Variants in TXNL4A observed in about 807,000 individuals in gnomAD.
TXNL4A encodes thioredoxin-like protein 4A.
TXNL4A carries 17 observed loss-of-function variants against 14.6 expected under a neutral mutation model. That is an observed-to-expected ratio of 1.16 (90% CI 0.80 to 1.74). TXNL4A has a LOEUF of 1.74. Ranked by LOEUF, TXNL4A falls within the 40% of genes most tolerant of loss-of-function variation. The pLI is 0.00. For synonymous variants in TXNL4A, 83 were observed against 70.6 expected, an observed-to-expected ratio of 1.18 and a Z score of -0.88; for missense variants, 74 against 195.2, an observed-to-expected ratio of 0.38 and a Z score of 3.70.
intron 1 of TXNL4A, among the ~76,000 whole-genome samples, chr18:80,009,070 C>A (rs2051752174): frequency 6.6e-6 from 1 of 152,220 alleles, no homozygotes. Flanking sequence ...AGCCACTGCG[C>A]CCGGCCTACT....
intron 1 of TXNL4A, among the ~76,000 whole-genome samples, chr18:80,018,499 A>C (rs1420035708): frequency 2.0e-5 from 3 of 152,212 alleles, no homozygotes; most frequent in Admixed American, 6.5e-5. Flanking sequence ...GCAGAACTGA[A>C]GGAAATAGAG....
intron 1 of TXNL4A, among the ~76,000 whole-genome samples, chr18:80,005,376 G>A (rs1158468982): frequency 6.6e-6 from 1 of 152,204 alleles, no homozygotes; most frequent in African/African-American, 2.4e-5. Context: ...GAGGTTAAGA[G>A]TGTTTCAATT....
intron 1 of TXNL4A, among the ~76,000 whole-genome samples, chr18:80,006,173 C>A (rs895924186): frequency 6.6e-6 from 1 of 152,120 alleles, no homozygotes; most frequent in South Asian, 2.1e-4. Context: ...ATCACGAGGT[C>A]AGGAGTTCGA....
chr18:79,978,061 C>T (rs1174844866), intron 1 of TXNL4A: 2 of 180,508 alleles, frequency 1.1e-5, no homozygotes, highest in Admixed American at 6.0e-5. Flanking sequence ...ACCTTGGCCA[C>T]CGGCTCCTTC....
chr18:79,974,280 G>T (rs779032842), intron 2 of TXNL4A, among the ~76,000 whole-genome samples: 5 of 152,236 alleles, frequency 3.3e-5, no homozygotes, highest in African/African-American at 4.8e-5. Flanking sequence ...AAAGCAATGT[G>T]TAAGTTTTTC....
intron 1 of TXNL4A, among the ~76,000 whole-genome samples, chr18:80,029,993 C>T (rs1374030577): frequency 6.6e-6 from 1 of 152,166 alleles, no homozygotes; most frequent in African/African-American, 2.4e-5. Flanking sequence ...ATAAAGAATT[C>T]CCTTCAACCC....
intron 1 of TXNL4A, among the ~76,000 whole-genome samples, chr18:80,017,803 C>A (rs1052147945): frequency 3.3e-5 from 5 of 152,072 alleles, no homozygotes; most frequent in Admixed American, 6.6e-5. Context: ...ATGTTCATCA[C>A]GGATATTGGT....
intron 1 of TXNL4A, among the ~76,000 whole-genome samples, chr18:80,015,761 T>C (rs1411827341): frequency 1.3e-5 from 2 of 150,790 alleles, no homozygotes; most frequent in Admixed American, 6.6e-5. Context: ...CAGTCTGTCA[T>C]TGTTGGATAT....
intron 1 of TXNL4A, among the ~76,000 whole-genome samples, chr18:80,009,710 G>C (rs538910820): frequency 1.9e-3 from 282 of 152,342 alleles, no homozygotes; most frequent in African/African-American, 6.6e-3. Flanking sequence ...CTTGAGAGAT[G>C]AGTGTCCCAC....
intron 1 of TXNL4A, among the ~76,000 whole-genome samples, chr18:79,986,121 T>G (rs1272885549): frequency 3.3e-5 from 5 of 151,686 alleles, no homozygotes; most frequent in Non-Finnish European, 2.9e-5. Flanking sequence ...CTCACTGCAG[T>G]CTTGACTTCC....
At chr18:80,029,537 C>T (rs768502751) in intron 1 of TXNL4A, among the ~76,000 whole-genome samples, 4 of 152,204 alleles carry the variant, frequency 2.6e-5, no homozygotes, top group African/African-American at 4.8e-5. Flanking sequence ...CCCAGGTGAA[C>T]GTCACAGCGA....
intron 2 of TXNL4A, among the ~76,000 whole-genome samples, chr18:79,975,623 G>C (rs2145053171): frequency 6.6e-6 from 1 of 152,292 alleles, no homozygotes; most frequent in Middle Eastern, 3.4e-3. Context: ...CCTCGAACAG[G>C]CTGTTAACAG....
intron 1 of TXNL4A, among the ~76,000 whole-genome samples, chr18:80,026,487 CA>C: frequency 6.6e-6 from 1 of 151,626 alleles, no homozygotes; most frequent in Middle Eastern, 3.4e-3. Context: ...TCTACCCTGA[CA>C]AAAAAAACTG....
intron 1 of TXNL4A, among the ~76,000 whole-genome samples, chr18:80,018,974 G>A (rs769699994): frequency 1.3e-5 from 2 of 152,150 alleles, no homozygotes; most frequent in Non-Finnish European, 2.9e-5. Flanking sequence ...ACCTCAGCTA[G>A]AATTTTATTG....
At chr18:80,016,178 T>C (rs2051807930) in intron 1 of TXNL4A, among the ~76,000 whole-genome samples, 1 of 151,388 alleles carries the variant, frequency 6.6e-6, no homozygotes, top group Non-Finnish European at 1.5e-5. Flanking sequence ...AAGTGTCTGT[T>C]CATATCCTTT....
chr18:79,992,631 C>T (rs985475900), upstream of TXNL4A, among the ~76,000 whole-genome samples: 1 of 152,158 alleles, frequency 6.6e-6, no homozygotes, highest in South Asian at 2.1e-4. Context: ...ACCTACACGC[C>T]TCCCCCATAT....
chr18:80,002,757 A>G (rs959622368), intron 1 of TXNL4A, among the ~76,000 whole-genome samples: 7 of 152,202 alleles, frequency 4.6e-5, no homozygotes, highest in African/African-American at 1.7e-4. Context: ...TAGAAACCCA[A>G]ACTCCTTTGT....
chr18:79,995,634 T>G (rs1192671073), intron 1 of TXNL4A, among the ~76,000 whole-genome samples: 1 of 152,180 alleles, frequency 6.6e-6, no homozygotes, highest in African/African-American at 2.4e-5. Flanking sequence ...CCAGAACTAA[T>G]GAACTAGTTA....
At chr18:79,978,960 C>T (rs868585651) in intron 1 of TXNL4A, among the ~76,000 whole-genome samples, 6 of 149,080 alleles carry the variant, frequency 4.0e-5, no homozygotes, top group Admixed American at 1.3e-4. Context: ...TTTTTTGAGA[C>T]GGAGTCTCGA....
Sources: allele counts gnomAD v4.1 joint callset (sites outside exome capture counted in the v4.1 genomes callset), GRCh38; gene constraint gnomAD v4.1.1; transcripts MANE v1.5; gene names NCBI Gene and HGNC (gene_info 2026-07-23, HGNC 2026-07-21).